WIPF3: variants seen among roughly 807,000 people sequenced by gnomAD.
The protein encoded by WIPF3 is WAS/WASL-interacting protein family member 3.
Under a neutral mutation model 38.9 loss-of-function variants are expected in WIPF3, and 33 were observed. The observed-to-expected ratio is 0.85, with a 90% CI of 0.64 to 1.14. The LOEUF is 1.14. WIPF3 is among the 50% of genes most tolerant of loss of function. The pLI is 0.00. For synonymous variants in WIPF3, 324 were observed against 269.3 expected (o/e 1.20, Z -1.99); for missense variants, 711 against 652.5 (o/e 1.09, Z -0.98).
chr7:29,904,184 G>A (rs773938106), intron 7 of WIPF3, 102 bp from the exon 8 acceptor site: 4 of 1,101,140 alleles, frequency 3.6e-6, no homozygotes, highest in Non-Finnish European at 5.4e-6. Flanking sequence ...GATCCTGAAG[G>A]TTTCATTGTT....
intron 1 of WIPF3, among the ~76,000 whole-genome samples, chr7:29,817,903 ATATT>A (rs1194472455): frequency 1.3e-5 from 2 of 152,172 alleles, no homozygotes; most frequent in Admixed American, 6.5e-5. Context: ...CTTTTGTATG[ATATT>A]TAGTCTTCCT....
chr7:29,815,144 G>C (rs913385099), intron 1 of WIPF3, among the ~76,000 whole-genome samples: 2 of 152,062 alleles, frequency 1.3e-5, no homozygotes, highest in African/African-American at 4.8e-5. Flanking sequence ...ATAAAGTAGC[G>C]TCAGAAATAG....
At chr7:29,898,360 T>A (rs1158140241) in intron 7 of WIPF3, among the ~76,000 whole-genome samples, 1 of 152,058 alleles carries the variant, frequency 6.6e-6, no homozygotes, top group Non-Finnish European at 1.5e-5. Context: ...GAATCCGATC[T>A]CTCTTACCTC....
intron 2 of WIPF3, among the ~76,000 whole-genome samples, chr7:29,851,627 G>T (rs1011723774): frequency 6.6e-5 from 10 of 152,222 alleles, no homozygotes; most frequent in African/African-American, 2.4e-4. Flanking sequence ...GACCTGGAAG[G>T]CTCGGTGGAC....
chr7:29,829,507 C>T (rs554023717), intron 1 of WIPF3, among the ~76,000 whole-genome samples: 60 of 152,272 alleles, frequency 3.9e-4, no homozygotes, highest in Admixed American at 9.2e-4. Context: ...GCGTGAGCCA[C>T]CGTGCCTGAA....
chr7:29,911,165 A>G lies in WIPF3; in HGVS notation c.1429-3328A>G, dbSNP rs144559595. ...AATTACAGAAACAATTCCATTTATGATAGCATAGAAAAGAATGAAATACTT... is the reference window on the plus strand; with the variant it reads ...AATTACAGAAACAATTCCATTTATGGTAGCATAGAAAAGAATGAAATACTT... On this transcript the variant is annotated intron_variant, in intron 8 of 8. Transcript: ENST00000242140. Among the ~76,000 whole-genome samples, 305 of 152,332 alleles carry G rather than the reference A, an allele frequency of 2.0e-3. 1 individual carries two copies. The highest frequency in any genetic ancestry group is 7.0e-3 in the African/African-American group (289 of 41,582).
intron 1 of WIPF3, among the ~76,000 whole-genome samples, chr7:29,812,638 AG>A (rs2128061219): frequency 6.6e-6 from 1 of 152,362 alleles, no homozygotes; most frequent in South Asian, 2.1e-4. Flanking sequence ...ACAGTGTCAC[AG>A]GGTTGTTCTA....
chr7:29,820,622 C>T (rs1357757741), intron 1 of WIPF3, among the ~76,000 whole-genome samples: 1 of 151,982 alleles, frequency 6.6e-6, no homozygotes, highest in African/African-American at 2.4e-5. Flanking sequence ...CCACTGATTC[C>T]CCAACAGAAA....
rs576279013 is a variant in WIPF3 at position 29,885,343 on chromosome 7, C to T, written c.1099+750C>T. Among the ~76,000 whole-genome samples, 184 of 152,298 alleles carry T rather than the reference C, an allele frequency of 1.2e-3. 4 individuals are homozygous for T. The South Asian group carries it at 0.027, about 23-fold the overall frequency. ...CACACGTCCACAGATACACCCACAT[C>T]CACACAGGCAGACACACTCAAACAT... On this transcript the variant is annotated intron_variant, in intron 5 of 8. Transcript: ENST00000242140.
chr7:29,894,580 A>G (rs933973695), intron 7 of WIPF3, among the ~76,000 whole-genome samples: 5 of 152,116 alleles, frequency 3.3e-5, no homozygotes, highest in Admixed American at 6.5e-5. Context: ...GATGTGGTGT[A>G]TGCCTGTCTG....
intron 2 of WIPF3, among the ~76,000 whole-genome samples, chr7:29,869,666 A>G (rs914499438): frequency 3.3e-5 from 5 of 152,038 alleles, no homozygotes; most frequent in African/African-American, 4.8e-5. Flanking sequence ...CTCTTTCTCC[A>G]TATTTCTTTC....
At chr7:29,818,065 A>AGTC in intron 1 of WIPF3, among the ~76,000 whole-genome samples, 1 of 152,240 alleles carries the variant, frequency 6.6e-6, no homozygotes. Context: ...ATTTCTTCAC[A>AGTC]GTACTTTCTG....
chr7:29,884,709 G>A, intron 5 of WIPF3, 116 bp downstream of exon 5: 4 of 1,405,900 alleles, frequency 2.8e-6, no homozygotes, highest in Admixed American at 2.8e-5. Flanking sequence ...GGGTGAGGGA[G>A]GCAGAGAGAC....
At chr7:29,898,956 T>C (rs1786216654) in intron 7 of WIPF3, among the ~76,000 whole-genome samples, 5 of 152,172 alleles carry the variant, frequency 3.3e-5, no homozygotes, top group Admixed American at 3.3e-4. Context: ...CAAAATACCA[T>C]AGACTGGGTG....
chr7:29,846,381 GCCACCTGTA>G (rs1193640220), intron 2 of WIPF3, among the ~76,000 whole-genome samples: 2 of 152,214 alleles, frequency 1.3e-5, no homozygotes, highest in African/African-American at 2.4e-5. Context: ...AAAGCAGGAT[GCCACCTGTA>G]CCACATAGAG....
intron 4 of WIPF3, among the ~76,000 whole-genome samples, chr7:29,881,747 C>A (rs994882795): frequency 1.3e-5 from 2 of 152,188 alleles, no homozygotes; most frequent in African/African-American, 2.4e-5. Flanking sequence ...TTCTGGAGAA[C>A]ATTCAGATTT....
At chr7:29,871,375 G>A (rs1785494041) in intron 2 of WIPF3, among the ~76,000 whole-genome samples, 1 of 152,172 alleles carries the variant, frequency 6.6e-6, no homozygotes, top group Admixed American at 6.5e-5. Flanking sequence ...GTGATCAGCA[G>A]GCTTGTATGC....
chr7:29,867,221 G>A (rs1352718710), intron 2 of WIPF3, among the ~76,000 whole-genome samples: 1 of 152,180 alleles, frequency 6.6e-6, no homozygotes, highest in Non-Finnish European at 1.5e-5. Flanking sequence ...TCTAAGTAGA[G>A]AGAAGGAGCC....
At chr7:29,830,340 A>G (rs1053464727) in intron 1 of WIPF3, among the ~76,000 whole-genome samples, 5 of 152,072 alleles carry the variant, frequency 3.3e-5, no homozygotes, top group African/African-American at 1.2e-4. Context: ...TCTCAAAAAT[A>G]TTTTTAAATC....
Sources: gnomAD v4.1 joint callset for allele counts (sites outside exome capture counted in the v4.1 genomes callset) on GRCh38, gnomAD v4.1.1 for gene constraint, MANE v1.5 for transcripts, NCBI Gene and HGNC (gene_info 2026-07-23, HGNC 2026-07-21) for gene names.